PTPRD: variants seen among roughly 807,000 people sequenced by gnomAD.
The protein encoded by PTPRD is protein tyrosine phosphatase receptor type D, also known as receptor-type tyrosine-protein phosphatase delta.
Under a neutral mutation model 214.5 loss-of-function variants are expected in PTPRD, and 34 were observed. The observed-to-expected ratio is 0.16, with a 90% CI of 0.12 to 0.21. PTPRD has a LOEUF of 0.21. Among genes scored for constraint, PTPRD ranks in the 10% least tolerant of loss-of-function variants. PTPRD has a pLI of 1.00. For missense variants in PTPRD, 2,545 were observed against 2,398.7 expected, an observed-to-expected ratio of 1.06 and a Z score of -1.27; for synonymous variants, 1,128 against 845.7, an observed-to-expected ratio of 1.33 and a Z score of -5.79.
chr9:8,354,567 G>A (rs2076497079), intron 39 of PTPRD, among the ~76,000 whole-genome samples: 1 of 152,124 alleles, frequency 6.6e-6, no homozygotes, highest in South Asian at 2.1e-4. Context: ...AAATTTTGGA[G>A]CATCTGGGCC....
chr9:9,453,987 T>A (rs944178448), intron 8 of PTPRD, among the ~76,000 whole-genome samples: 2 of 151,814 alleles, frequency 1.3e-5, no homozygotes, highest in African/African-American at 4.8e-5. Flanking sequence ...CATATTTCCA[T>A]GTCATCCTCT....
chr9:9,549,968 A>G (rs1172495776), intron 8 of PTPRD, among the ~76,000 whole-genome samples: 1 of 152,008 alleles, frequency 6.6e-6, no homozygotes, highest in Non-Finnish European at 1.5e-5. Flanking sequence ...AGATAATTGG[A>G]CTAATTTTTA....
chr9:10,415,226 G>C (rs963489244), intron 2 of PTPRD, among the ~76,000 whole-genome samples: 3 of 151,688 alleles, frequency 2.0e-5, no homozygotes, highest in African/African-American at 7.3e-5. Flanking sequence ...GGGTAATTGA[G>C]ATTATATACA....
At chr9:10,311,863 C>T (rs1358823218) in intron 3 of PTPRD, among the ~76,000 whole-genome samples, 2 of 151,940 alleles carry the variant, frequency 1.3e-5, no homozygotes, top group Non-Finnish European at 2.9e-5. Flanking sequence ...TTCAGGTGAG[C>T]TTGGTGTGAG....
chr9:10,488,393 C>T (rs1367633475), intron 2 of PTPRD, among the ~76,000 whole-genome samples: 1 of 149,538 alleles, frequency 6.7e-6, no homozygotes, highest in Non-Finnish European at 1.5e-5. Context: ...AAAAAGACTG[C>T]CAGGTCACAC....
chr9:9,032,299 C>T (rs1031790064), intron 10 of PTPRD, among the ~76,000 whole-genome samples: 2 of 152,002 alleles, frequency 1.3e-5, no homozygotes, highest in Non-Finnish European at 2.9e-5. Flanking sequence ...ACTGCAATTG[C>T]TTTTCATGGT....
rs947029263 is a variant in PTPRD at position 10,340,945 on chromosome 9, T to G, written c.-545+18A>C. 2 of 151,958 alleles carry G rather than the reference T, an allele frequency of 1.3e-5. No individual in the cohort carries two copies. The highest frequency in any genetic ancestry group is 2.4e-5 in the African/African-American group (1 of 41,428). 9.4% of individuals were successfully genotyped at this position (151,958 alleles called of 1,614,324 possible). A position where few individuals can be genotyped will look rare whatever the true frequency, so the allele number is the denominator to read the frequency against. On this transcript the variant is annotated intron_variant, in intron 3 of 45. Coordinates refer to ENST00000381196, the MANE Select transcript of PTPRD (RefSeq NM_002839.4). ...TCAGTTTCTTATTATCTATTTCTAG[T>G]TCACAGATATTACTTACTAGTTGTG... is the stretch of plus-strand genomic sequence containing the variant.
At position 9,396,784 on chromosome 9, in the gene PTPRD, G is replaced by C. The variant is rs557839402; in HGVS notation, c.-203+665C>G. ...GGTAAACTCTCAAGAAGTAAAATGAGTAACAATTTTATGTAGAGTCTTCTT... is the reference window on the plus strand; with the variant it reads ...GGTAAACTCTCAAGAAGTAAAATGACTAACAATTTTATGTAGAGTCTTCTT... On this transcript the variant is annotated intron_variant, in intron 9 of 45. Coordinates refer to ENST00000381196, the MANE Select transcript of PTPRD (RefSeq NM_002839.4). Among the ~76,000 whole-genome samples the C allele has an allele frequency of 5.3e-5, 8 of 152,096 alleles. No individual in the cohort carries two copies. In the South Asian group the frequency reaches 1.7e-3, roughly 32 times the overall value.
chr9:9,586,977 C>G, intron 7 of PTPRD, among the ~76,000 whole-genome samples: 1 of 151,922 alleles, frequency 6.6e-6, no homozygotes, highest in Non-Finnish European at 1.5e-5. Flanking sequence ...CATAAGTCAT[C>G]ACTCTCTCCT....
intron 8 of PTPRD, among the ~76,000 whole-genome samples, chr9:9,564,297 C>T (rs1591684895): frequency 6.6e-6 from 1 of 151,992 alleles, no homozygotes; most frequent in South Asian, 2.1e-4. Flanking sequence ...GGAGCTATGC[C>T]CAAGTTCTTG....
chr9:10,281,794 C>T (rs1201303255), intron 3 of PTPRD, among the ~76,000 whole-genome samples: 5 of 152,096 alleles, frequency 3.3e-5, no homozygotes, highest in African/African-American at 9.7e-5. Flanking sequence ...AAGGTCAGGA[C>T]TACAATTTTA....
intron 3 of PTPRD, among the ~76,000 whole-genome samples, chr9:10,223,624 C>A (rs1378470938): frequency 6.7e-6 from 1 of 150,352 alleles, no homozygotes; most frequent in Non-Finnish European, 1.5e-5. Flanking sequence ...AGATCACAAT[C>A]ATGCCACTGC....
intron 2 of PTPRD, among the ~76,000 whole-genome samples, chr9:10,397,914 T>C (rs1196450134): frequency 6.6e-6 from 1 of 151,964 alleles, no homozygotes; most frequent in Non-Finnish European, 1.5e-5. Context: ...AACCATGCAT[T>C]TCTCAGAATG....
chr9:9,678,386 A>C (rs1447992253), intron 7 of PTPRD, among the ~76,000 whole-genome samples: 2 of 152,072 alleles, frequency 1.3e-5, no homozygotes, highest in African/African-American at 2.4e-5. Context: ...GACCAATGGA[A>C]CAGAACAAAG....
intron 11 of PTPRD, among the ~76,000 whole-genome samples, chr9:9,012,850 A>G (rs2099517297): frequency 2.0e-5 from 3 of 152,174 alleles, no homozygotes; most frequent in Admixed American, 2.0e-4. Flanking sequence ...AGCAATGCTA[A>G]AAGAAAATCT....
At chr9:8,347,533 G>A (rs1158169456) in intron 39 of PTPRD, among the ~76,000 whole-genome samples, 1 of 152,184 alleles carries the variant, frequency 6.6e-6, no homozygotes, top group Non-Finnish European at 1.5e-5. Flanking sequence ...TGAGGCAAAT[G>A]TGAAGGATGC....
At chr9:8,998,717 G>T (rs967509126) in intron 11 of PTPRD, among the ~76,000 whole-genome samples, 3 of 152,016 alleles carry the variant, frequency 2.0e-5, no homozygotes, top group African/African-American at 7.2e-5. Context: ...TTCCTCTGAT[G>T]GATCTGAGCA....
chr9:9,625,551 C>G (rs2095397678), intron 7 of PTPRD, among the ~76,000 whole-genome samples: 1 of 137,884 alleles, frequency 7.3e-6, no homozygotes, highest in South Asian at 2.2e-4. Flanking sequence ...TATTGTTCCT[C>G]TATTTTTTTT....
At chr9:8,418,304 G>A (rs2094103574) in intron 35 of PTPRD, among the ~76,000 whole-genome samples, 1 of 151,574 alleles carries the variant, frequency 6.6e-6, no homozygotes, top group Non-Finnish European at 1.5e-5. Flanking sequence ...ATTACTGCCT[G>A]GAGCTTTCTC....
Sources: allele counts gnomAD v4.1 joint callset (sites outside exome capture counted in the v4.1 genomes callset), GRCh38; gene constraint gnomAD v4.1.1; transcripts MANE v1.5; gene names NCBI Gene and HGNC (gene_info 2026-07-23, HGNC 2026-07-21).